SFT2D1: variants seen among roughly 807,000 people sequenced by gnomAD.
The protein encoded by SFT2D1 is vesicle transport protein SFT2A.
SFT2D1 carries 24 observed loss-of-function variants against 28.1 expected under a neutral mutation model. That is an observed-to-expected ratio of 0.85 (90% confidence interval 0.62 to 1.20). The LOEUF is 1.20. Among genes scored for constraint, SFT2D1 ranks in the 50% most tolerant of loss-of-function variants. The pLI is 0.00. For synonymous variants in SFT2D1, 82 were observed against 73.7 expected, an observed-to-expected ratio of 1.11 and a Z score of -0.58; for missense variants, 181 against 190.9, an observed-to-expected ratio of 0.95 and a Z score of 0.31.
At chr6:166,341,712 A>G (rs377692403) in intron 1 of SFT2D1, among the ~76,000 whole-genome samples, 125 of 152,274 alleles carry the variant, frequency 8.2e-4, no homozygotes, top group African/African-American at 3.0e-3. Context: ...ATCGCATGCA[A>G]TAACAAAAAA....
intron 4 of SFT2D1, among the ~76,000 whole-genome samples, chr6:166,327,301 G>T (rs183037475): frequency 5.0e-4 from 76 of 152,224 alleles, no homozygotes; most frequent in Non-Finnish European, 9.7e-4. Context: ...GAAGAGATTT[G>T]GGTCCCCCTC....
chr6:166,324,732 T>A, intron 5 of SFT2D1, 137 bp from the exon 6 acceptor site: 1 of 789,934 alleles, frequency 1.3e-6, no homozygotes, highest in Non-Finnish European at 2.0e-6. Context: ...GTGATAAATT[T>A]AAGATACAGT....
At chr6:166,338,694 G>A (rs775945681) in intron 1 of SFT2D1, among the ~76,000 whole-genome samples, 16 of 152,202 alleles carry the variant, frequency 1.1e-4, no homozygotes, top group East Asian at 1.9e-4. Flanking sequence ...GAGGCGGGCC[G>A]ACAAGCAGTG....
Position 166,328,286 on chromosome 6 carries a change from A to G in SFT2D1, c.305T>C (p.Ile102Thr). The change falls in exon 4 of 8, where the codon ATT becomes ACT. Residue 102 changes from isoleucine (I) to threonine (T), a missense_variant. Ile to Thr is a moderately conservative substitution (Grantham distance 89). Transcript: ENST00000361731. ...MFEATRLLATIVMLLCFIFTL... is the reference protein window; with the variant it reads ...MFEATRLLATTVMLLCFIFTL... ...GTATTATTTACTTACAAGCATAACA[A>G]TTGTTGCAAGCAATCTTGTTGCTTC... 6.3e-7 allele frequency: 1 copy of G among 1,588,180 alleles called. No homozygotes were observed. The highest frequency in any genetic ancestry group is 8.6e-7 in the Non-Finnish European group (1 of 1,167,928).
At chr6:166,321,625 T>C (rs961929970) in intron 7 of SFT2D1, among the ~76,000 whole-genome samples, 2 of 152,258 alleles carry the variant, frequency 1.3e-5, no homozygotes, top group Non-Finnish European at 2.9e-5. Flanking sequence ...TTTCCTTCAC[T>C]GTTCGTATTA....
chr6:166,337,431 T>C (rs1778676929), intron 1 of SFT2D1, among the ~76,000 whole-genome samples: 1 of 152,154 alleles, frequency 6.6e-6, no homozygotes, highest in East Asian at 1.9e-4. Context: ...CACTCCCTCC[T>C]GCTTACAATG....
chr6:166,327,026 G>C (rs1778457658), intron 4 of SFT2D1, among the ~76,000 whole-genome samples: 1 of 152,148 alleles, frequency 6.6e-6, no homozygotes, highest in South Asian at 2.1e-4. Flanking sequence ...AAAGTGGTAA[G>C]AAACTATGAA....
chr6:166,324,601 A>T lies in SFT2D1; in HGVS notation c.352-6T>A. 1 of 1,610,232 alleles carries T rather than the reference A, an allele frequency of 6.2e-7. No homozygotes were observed. Among genetic ancestry groups the T allele is most frequent in the Non-Finnish European group, 8.5e-7 (1 of 1,179,094 alleles). ...GCCAGTCCCTTCTTATGCCACTAACAACAGCAAAAACAGAGCAATTATGAG... is the reference window on the plus strand; with the variant it reads ...GCCAGTCCCTTCTTATGCCACTAACTACAGCAAAAACAGAGCAATTATGAG... On this transcript the variant is annotated splice_polypyrimidine_tract_variant and splice_region_variant and intron_variant, in intron 5 of 7. Transcript: ENST00000361731.
intron 7 of SFT2D1, among the ~76,000 whole-genome samples, chr6:166,321,540 T>C (rs150412339): frequency 0.014 from 2,122 of 152,356 alleles, 105 homozygotes; most frequent in Admixed American, 0.11. Context: ...AACTTTGTTT[T>C]GCTTTTTCTC....
At chr6:166,333,486 G>A (rs191262644) in intron 1 of SFT2D1, among the ~76,000 whole-genome samples, 180 of 152,258 alleles carry the variant, frequency 1.2e-3, no homozygotes, top group African/African-American at 3.9e-3. Context: ...CTGGTTCCTC[G>A]GCCCCACCGT....
chr6:166,326,850 G>C (rs542861582), intron 4 of SFT2D1, among the ~76,000 whole-genome samples: 1 of 152,228 alleles, frequency 6.6e-6, no homozygotes, highest in Non-Finnish European at 1.5e-5. Flanking sequence ...AGTTTGAGGG[G>C]TAAGTGCCAG....
chr6:166,322,834 A>C (rs779006992), intron 7 of SFT2D1, 23 bp downstream of exon 7: 2 of 1,597,910 alleles, frequency 1.3e-6, no homozygotes, highest in Non-Finnish European at 8.6e-7. Context: ...ACCAGAAAGA[A>C]GACAAGATTC....
intron 1 of SFT2D1, 80 bp downstream of exon 1, chr6:166,342,338 AC>A: frequency 2.2e-6 from 3 of 1,359,572 alleles, no homozygotes; most frequent in Non-Finnish European, 2.0e-6. Context: ...CCTCGCACCC[AC>A]CCCACCCGCT....
At chr6:166,333,790 T>C (rs1315770313) in intron 1 of SFT2D1, among the ~76,000 whole-genome samples, 5 of 152,118 alleles carry the variant, frequency 3.3e-5, no homozygotes, top group Admixed American at 1.3e-4. Context: ...TCTAAACCAC[T>C]TCAAACCTCC....
chr6:166,328,549 T>C (rs909109485), intron 3 of SFT2D1, among the ~76,000 whole-genome samples, 192 bp from the exon 4 acceptor site: 2 of 152,174 alleles, frequency 1.3e-5, no homozygotes, highest in Non-Finnish European at 2.9e-5. Flanking sequence ...GGTGTGAAGG[T>C]GTCTTCTCCA....
intron 4 of SFT2D1, among the ~76,000 whole-genome samples, chr6:166,326,427 A>C (rs1291599258): frequency 6.6e-6 from 1 of 152,220 alleles, no homozygotes; most frequent in Non-Finnish European, 1.5e-5. Flanking sequence ...CCACATCCCC[A>C]TGAAAGCAAG....
intron 1 of SFT2D1, among the ~76,000 whole-genome samples, chr6:166,332,502 G>A (rs865909563): frequency 5.7e-4 from 86 of 152,136 alleles, no homozygotes; most frequent in Admixed American, 1.2e-3. Context: ...GTGATCACCC[G>A]CCTCGGTCTC....
In SFT2D1 at chr6:166,329,533, G is replaced by C; in HGVS notation, c.207C>G (p.Thr69=). The change falls in exon 3 of 8, where the codon ACC becomes ACG. Residue 69 remains threonine (T), a synonymous_variant. Transcript: ENST00000361731. ...GGIKLFAVFY[T]LGNLAALAST... ...TGGCTAACGCAGCAAGATTGCCGAG[G>C]GTATAAAACACTGCAAAAAGCTTTA... is the stretch of plus-strand genomic sequence containing the variant. The C allele has an allele frequency of 6.2e-7, 1 of 1,609,436 alleles. No homozygotes were observed.
At chr6:166,335,536 C>T (rs867542896) in intron 1 of SFT2D1, 27 of 447,462 alleles carry the variant, frequency 6.0e-5, no homozygotes, top group Admixed American at 1.1e-4. Context: ...GTAGCCATGG[C>T]ACTGGCAGAA....
Sources: allele counts gnomAD v4.1 joint callset (sites outside exome capture counted in the v4.1 genomes callset), GRCh38; gene constraint gnomAD v4.1.1; transcripts MANE v1.5; gene names NCBI Gene and HGNC (gene_info 2026-07-23, HGNC 2026-07-21).